Variants in DAB1 observed in about 807,000 individuals in gnomAD.
DAB1 encodes disabled homolog 1.
DAB1 carries 15 observed loss-of-function variants against 64.6 expected under a neutral mutation model. The ratio of observed to expected loss-of-function variants is 0.23; its 90% CI spans 0.16 to 0.36. The LOEUF is 0.36. DAB1 is among the 10% of genes least tolerant of loss of function. The pLI is 1.00. For synonymous variants in DAB1, 235 were observed against 251.9 expected (o/e 0.93, Z 0.64); for missense variants, 596 against 706.7 (o/e 0.84, Z 1.78).
intron 1 of DAB1, among the ~76,000 whole-genome samples, chr1:57,330,097 C>T (rs1676529466): frequency 1.3e-5 from 2 of 152,274 alleles, no homozygotes; most frequent in African/African-American, 4.8e-5. Context: ...AGTTCAGTGA[C>T]AGCTAAGGCA....
At chr1:57,413,997 G>A (rs546072414) in intron 1 of DAB1, among the ~76,000 whole-genome samples, 1 of 152,152 alleles carries the variant, frequency 6.6e-6, no homozygotes, top group Non-Finnish European at 1.5e-5. Flanking sequence ...CAACTTTAGC[G>A]GATAAGGAGT....
intron 7 of DAB1, among the ~76,000 whole-genome samples, chr1:57,614,325 G>A (rs1186334990): frequency 6.6e-6 from 1 of 152,108 alleles, no homozygotes; most frequent in Admixed American, 6.5e-5. Context: ...AACAGAACCT[G>A]GCCTAAGGTC....
intron 7 of DAB1, among the ~76,000 whole-genome samples, chr1:57,589,822 T>C (rs1343014766): frequency 3.3e-5 from 5 of 152,116 alleles, no homozygotes; most frequent in Admixed American, 6.6e-5. Context: ...ATGAAAATAT[T>C]TCCCCTTCAA....
chr1:58,349,534 A>G (rs2100513527), intron 3 of DAB1, among the ~76,000 whole-genome samples: 1 of 152,132 alleles, frequency 6.6e-6, no homozygotes, highest in Non-Finnish European at 1.5e-5. Context: ...AGGTATGCAC[A>G]TACCATGGTG....
At chr1:57,090,447 C>T (rs1653546564) in intron 4 of DAB1, among the ~76,000 whole-genome samples, 1 of 152,210 alleles carries the variant, frequency 6.6e-6, no homozygotes, top group Non-Finnish European at 1.5e-5. Context: ...TATCAAGGGG[C>T]TCAGCCAGTT....
chr1:58,510,920 G>A (rs12070503), intron 2 of DAB1, among the ~76,000 whole-genome samples: 27,048 of 151,922 alleles, frequency 0.18, 2,537 homozygotes, highest in Middle Eastern at 0.23. Flanking sequence ...CTAAGGAGGT[G>A]AAAGCCTTCT....
intron 4 of DAB1, among the ~76,000 whole-genome samples, chr1:58,282,999 C>T (rs1661599192): frequency 6.7e-6 from 1 of 150,108 alleles, no homozygotes; most frequent in Non-Finnish European, 1.5e-5. Flanking sequence ...AGTGACCCAT[C>T]CCCCCACCCC....
intron 4 of DAB1, among the ~76,000 whole-genome samples, chr1:57,135,250 A>G (rs182012512): frequency 2.1e-4 from 32 of 152,314 alleles, no homozygotes; most frequent in Admixed American, 1.8e-3. Context: ...ACTAAATAAT[A>G]ACACTTCATT....
intron 9 of DAB1, among the ~76,000 whole-genome samples, chr1:57,051,645 G>A (rs116566276): frequency 0.011 from 1,665 of 152,298 alleles, 19 homozygotes; most frequent in Middle Eastern, 0.031. Context: ...TTCTAAGCTT[G>A]AGAGGTGAGT....
At chr1:57,136,318 G>T (rs1658082968) in intron 4 of DAB1, among the ~76,000 whole-genome samples, 1 of 152,166 alleles carries the variant, frequency 6.6e-6, no homozygotes, top group Non-Finnish European at 1.5e-5. Context: ...CCAGGATAGT[G>T]TGACACTTTT....
At chr1:58,313,209 C>G (rs2100475963) in intron 4 of DAB1, among the ~76,000 whole-genome samples, 1 of 152,218 alleles carries the variant, frequency 6.6e-6, no homozygotes, top group Admixed American at 6.5e-5. Flanking sequence ...TTCTGTATTA[C>G]TCATGGACCC....
chr1:57,953,707 T>C (rs113384141), intron 5 of DAB1, among the ~76,000 whole-genome samples: 3 of 152,306 alleles, frequency 2.0e-5, no homozygotes, highest in African/African-American at 4.8e-5. Context: ...TGAGTTCTAG[T>C]TGGAACTGGC....
intron 5 of DAB1, among the ~76,000 whole-genome samples, chr1:58,096,083 A>G (rs1462863391): frequency 2.0e-5 from 3 of 152,218 alleles, no homozygotes; most frequent in Non-Finnish European, 2.9e-5. Context: ...GGCTTCGGAC[A>G]AGAGCATTGC....
intron 7 of DAB1, among the ~76,000 whole-genome samples, chr1:57,539,006 A>G (rs1280606366): frequency 6.6e-6 from 1 of 152,200 alleles, no homozygotes; most frequent in Non-Finnish European, 1.5e-5. Context: ...TTCAATTGTG[A>G]TGCCTTCCTT....
At chr1:57,004,912 C>T (rs1646010554) in intron 14 of DAB1, among the ~76,000 whole-genome samples, 1 of 152,158 alleles carries the variant, frequency 6.6e-6, no homozygotes, top group Non-Finnish European at 1.5e-5. Flanking sequence ...CCTCATGGGA[C>T]TGTGACAAGT....
chr1:57,121,135 GA>G, intron 4 of DAB1, among the ~76,000 whole-genome samples: 1 of 131,980 alleles, frequency 7.6e-6, no homozygotes, highest in Non-Finnish European at 1.6e-5. Context: ...AAGAAGAGAA[GA>G]AGAAGGAGGA....
intron 6 of DAB1, among the ~76,000 whole-genome samples, chr1:57,812,319 CAAAAAAA>C (rs67005172): frequency 4.9e-4 from 50 of 101,200 alleles, no homozygotes; most frequent in Non-Finnish European, 1.0e-4. Context: ...GATTCATTGC[CAAAAAAA>C]AAAAAAAAAA....
At chr1:57,215,737 A>G (rs1666375765) in intron 2 of DAB1, among the ~76,000 whole-genome samples, 1 of 152,124 alleles carries the variant, frequency 6.6e-6, no homozygotes, top group Non-Finnish European at 1.5e-5. Context: ...TTCCTCCCCA[A>G]CTAGACTTAG....
chr1:57,834,554 G>A (rs1652725859), intron 1 of DAB1, among the ~76,000 whole-genome samples: 1 of 151,860 alleles, frequency 6.6e-6, no homozygotes, highest in African/African-American at 2.4e-5. Flanking sequence ...AGTCTGTGAA[G>A]GGAATATATA....
Sources: allele counts gnomAD v4.1 joint callset (sites outside exome capture counted in the v4.1 genomes callset), GRCh38; gene constraint gnomAD v4.1.1; transcripts MANE v1.5; gene names NCBI Gene and HGNC (gene_info 2026-07-23, HGNC 2026-07-21).